The following DCLK1 variants were observed in gnomAD, a reference collection of about 807,000 sequenced individuals.
DCLK1 encodes the protein doublecortin like kinase 1.
DCLK1 carries 16 observed loss-of-function variants against 86.2 expected under a neutral mutation model. The observed-to-expected ratio is 0.19, with a 90% CI of 0.13 to 0.28. DCLK1 has a LOEUF of 0.28. Ranked by LOEUF, DCLK1 falls within the 10% of genes least tolerant of loss-of-function variation. The pLI is 1.00. For synonymous variants in DCLK1, 369 were observed against 370.5 expected (o/e 1.00, Z 0.05); for missense variants, 590 against 940.2 (o/e 0.63, Z 4.87).
At chr13:35,824,350 T>C (rs1593629827) in intron 10 of DCLK1, among the ~76,000 whole-genome samples, 1 of 152,204 alleles carries the variant, frequency 6.6e-6, no homozygotes, top group Admixed American at 6.5e-5. Context: ...CTAATTATTA[T>C]TATTTTTTTT....
chr13:36,012,546 AAT>A (rs1397066007), intron 3 of DCLK1, among the ~76,000 whole-genome samples: 1 of 144,038 alleles, frequency 6.9e-6, no homozygotes, highest in East Asian at 2.2e-4. Context: ...AAGAATGTTG[AAT>A]ATTGGCCCCC....
Position 35,808,246 on chromosome 13 carries a change from T to C in DCLK1, c.1841A>G (p.Asp614Gly). 1 of 1,613,994 alleles carries C rather than the reference T, an allele frequency of 6.2e-7. No individual in the cohort carries two copies. Among genetic ancestry groups the C allele is most frequent in the Non-Finnish European group, 8.5e-7 (1 of 1,179,944 alleles). Residue 614 changes from aspartate to glycine, a missense_variant, in exon 14 of 17, where the codon GAT (aspartate) becomes GGT (glycine). Coordinates refer to ENST00000360631, the MANE Select transcript of DCLK1 (RefSeq NM_001330071.2). ...GQVDFPSPYW[D>G]NVSDSAKELI... is the part of the protein sequence containing the mutation. ...TACCTTTGCAGAATCGGAAACATTA[T>C]CCCAGTATGGAGAAGGAAAGTCCAC... is the stretch of plus-strand genomic sequence containing the variant.
intron 4 of DCLK1, among the ~76,000 whole-genome samples, chr13:35,941,626 C>T (rs573303677): frequency 6.6e-5 from 10 of 152,266 alleles, no homozygotes; most frequent in South Asian, 2.1e-4. Context: ...CGCACACGCA[C>T]GCTGCGTCTC....
At chr13:36,083,369 T>C (rs1430609582) in intron 3 of DCLK1, among the ~76,000 whole-genome samples, 2 of 152,254 alleles carry the variant, frequency 1.3e-5, no homozygotes, top group Non-Finnish European at 2.9e-5. Flanking sequence ...TCATCTCGAT[T>C]ACTCTGTTAG....
chr13:35,955,859 G>C (rs1877950431), intron 3 of DCLK1, among the ~76,000 whole-genome samples: 1 of 152,154 alleles, frequency 6.6e-6, no homozygotes. Context: ...AGGCATAGTA[G>C]GTAGGTCTCT....
intron 3 of DCLK1, among the ~76,000 whole-genome samples, chr13:35,979,851 A>G (rs1208512048): frequency 6.6e-6 from 1 of 152,216 alleles, no homozygotes; most frequent in African/African-American, 2.4e-5. Flanking sequence ...TTCTCTGAGC[A>G]GCTCTGGCAC....
intron 6 of DCLK1, chr13:35,848,892 C>CA (rs1870402433): frequency 4.1e-6 from 4 of 985,266 alleles, no homozygotes; most frequent in Non-Finnish European, 4.8e-6. Context: ...GGCAACCTCA[C>CA]AGATGTTTAC....
intron 2 of DCLK1, among the ~76,000 whole-genome samples, chr13:36,123,618 C>T (rs1886065917): frequency 6.6e-6 from 1 of 152,216 alleles, no homozygotes; most frequent in South Asian, 2.1e-4. Flanking sequence ...CCTAACTCTA[C>T]CATTTCTTTC....
chr13:36,036,277 C>T (rs1397753841), intron 3 of DCLK1, among the ~76,000 whole-genome samples: 1 of 152,232 alleles, frequency 6.6e-6, no homozygotes, highest in Non-Finnish European at 1.5e-5. Flanking sequence ...TCTGGGCACA[C>T]TGCCTAAGAG....
At chr13:36,024,113 C>G (rs544981522) in intron 3 of DCLK1, among the ~76,000 whole-genome samples, 7 of 151,678 alleles carry the variant, frequency 4.6e-5, no homozygotes, top group Non-Finnish European at 1.0e-4. Flanking sequence ...CAAGGCTGGT[C>G]TCAAACTCCT....
intron 3 of DCLK1, among the ~76,000 whole-genome samples, chr13:35,977,967 A>G (rs754078285): frequency 1.3e-5 from 2 of 152,168 alleles, no homozygotes; most frequent in African/African-American, 2.4e-5. Flanking sequence ...GAGCTCTGTG[A>G]GTATTCAAAT....
chr13:35,908,808 G>A (rs1874828610), intron 4 of DCLK1, among the ~76,000 whole-genome samples: 1 of 152,024 alleles, frequency 6.6e-6, no homozygotes, highest in African/African-American at 2.4e-5. Context: ...GCAAATTTTT[G>A]TATTTTTAGT....
At chr13:35,908,143 G>C (rs1224942974) in intron 4 of DCLK1, among the ~76,000 whole-genome samples, 1 of 151,770 alleles carries the variant, frequency 6.6e-6, no homozygotes, top group African/African-American at 2.4e-5. Flanking sequence ...CCTTTCTCCT[G>C]ATGAGGTTTG....
intron 4 of DCLK1, among the ~76,000 whole-genome samples, chr13:35,905,276 T>C (rs556575372): frequency 7.2e-5 from 11 of 152,318 alleles, no homozygotes; most frequent in Admixed American, 3.3e-4. Flanking sequence ...GCTCCAGAGG[T>C]GGGCCTTGGT....
chr13:35,780,175 A>T (rs2086501357), intron 16 of DCLK1, among the ~76,000 whole-genome samples: 1 of 152,142 alleles, frequency 6.6e-6, no homozygotes, highest in Admixed American at 6.5e-5. Context: ...ATCACAAAAA[A>T]ATCCCCAGAC....
chr13:35,990,336 A>T (rs1445659882), intron 3 of DCLK1, among the ~76,000 whole-genome samples: 1 of 152,204 alleles, frequency 6.6e-6, no homozygotes, highest in Non-Finnish European at 1.5e-5. Context: ...TCCTGCAAGA[A>T]TCCTCCACCT....
intron 9 of DCLK1, 146 bp from the exon 10 acceptor site, chr13:35,827,900 T>C (rs553517138): frequency 7.6e-6 from 8 of 1,058,490 alleles, no homozygotes; most frequent in Non-Finnish European, 1.1e-5. Flanking sequence ...GATATTCAGA[T>C]ATAGCCTAGA....
At chr13:35,838,382 A>T (rs1008760339) in intron 7 of DCLK1, among the ~76,000 whole-genome samples, 1 of 152,208 alleles carries the variant, frequency 6.6e-6, no homozygotes, top group African/African-American at 2.4e-5. Context: ...GCTTGATGGT[A>T]TCACTTTTAT....
At chr13:36,009,825 A>AT (rs1276187895) in intron 3 of DCLK1, among the ~76,000 whole-genome samples, 10 of 100,108 alleles carry the variant, frequency 1.0e-4, no homozygotes, top group Non-Finnish European at 1.8e-4. Context: ...CAGTATGGCC[A>AT]TTTTCACGAT....
Sources: allele counts gnomAD v4.1 joint callset (sites outside exome capture counted in the v4.1 genomes callset), GRCh38; gene constraint gnomAD v4.1.1; transcripts MANE v1.5; gene names NCBI Gene and HGNC (gene_info 2026-07-23, HGNC 2026-07-21).